TXLNG: variants seen among roughly 807,000 people sequenced by gnomAD.
TXLNG encodes gamma-taxilin.
A neutral mutation model predicts 38.8 loss-of-function variants in TXLNG; 5 were observed. The observed-to-expected ratio is 0.13, with a 90% CI of 0.07 to 0.27. TXLNG has a LOEUF of 0.27. Among genes scored for constraint, TXLNG ranks in the 10% least tolerant of loss-of-function variants. The pLI, the probability that TXLNG is intolerant of heterozygous loss-of-function variation, is 1.00. For missense variants in TXLNG, 393 were observed against 398.2 expected (o/e 0.99, Z 0.11); for synonymous variants, 182 against 158.2 (o/e 1.15, Z -1.13).
chrX:16,815,522 A>G (rs1363529145), intron 1 of TXLNG, among the ~76,000 whole-genome samples: 1 of 103,259 alleles, frequency 9.7e-6, no homozygotes, highest in Non-Finnish European at 2.0e-5. Context: ...TAGATTTGAA[A>G]CTATTATTAT....
chrX:16,836,946 A>C (rs1353246500), intron 7 of TXLNG, among the ~76,000 whole-genome samples: 1 of 111,096 alleles, frequency 9.0e-6, no homozygotes, highest in Non-Finnish European at 1.9e-5. Context: ...AAGTATCCTG[A>C]GCCTCAGTGT....
chrX:16,815,225 G>C (rs747710060), intron 1 of TXLNG, among the ~76,000 whole-genome samples: 1 of 111,847 alleles, frequency 8.9e-6, no homozygotes, highest in African/African-American at 3.2e-5. Flanking sequence ...GCCCAGGCTG[G>C]AGTGCAATGG....
chrX:16,811,405 A>G (rs1928509600), intron 1 of TXLNG, among the ~76,000 whole-genome samples: 1 of 110,311 alleles, frequency 9.1e-6, no homozygotes, highest in Non-Finnish European at 1.9e-5. Flanking sequence ...CGCCCAGGCT[A>G]GAGTGTAATG....
chrX:16,833,963 C>T (rs1171108877), intron 6 of TXLNG, among the ~76,000 whole-genome samples: 2 of 112,164 alleles, frequency 1.8e-5, no homozygotes, highest in Admixed American at 9.5e-5. Flanking sequence ...GATTATCAGC[C>T]GTGTTCTCTG....
intron 1 of TXLNG, among the ~76,000 whole-genome samples, chrX:16,787,301 A>G (rs1392027895): frequency 1.8e-5 from 2 of 111,053 alleles, no homozygotes; most frequent in Non-Finnish European, 3.8e-5. Context: ...ATGCTGGAGG[A>G]CCTCGGTCCT....
At chrX:16,804,917 A>C in intron 1 of TXLNG, among the ~76,000 whole-genome samples, 1 of 81,876 alleles carries the variant, frequency 1.2e-5, no homozygotes, top group Admixed American at 1.6e-4. Flanking sequence ...CACCCCAGGA[A>C]TTTCAAAGAT....
rs1424426191 is a variant in TXLNG at position 16,842,966 on chromosome X, A to G, written c.*1200A>G. ...AAGGTCTCTACACTTGGACTGGGGGAAAATTTGAAATTAAGCACATAACTT... is the reference window on the plus strand; with the variant it reads ...AAGGTCTCTACACTTGGACTGGGGGGAAATTTGAAATTAAGCACATAACTT... On this transcript the variant is annotated 3_prime_UTR_variant, in exon 10 of 10. Transcript: ENST00000380122. 1 of 112,321 alleles carries G rather than the reference A, an allele frequency of 8.9e-6. No individual in the cohort carries two copies. The highest frequency in any genetic ancestry group is 1.9e-5 in the Non-Finnish European group (1 of 53,262). 9.3% of individuals were successfully genotyped at this position (112,321 alleles called of 1,213,427 possible).
At chrX:16,804,896 C>T (rs1026695544) in intron 1 of TXLNG, among the ~76,000 whole-genome samples, 3 of 100,843 alleles carry the variant, frequency 3.0e-5, no homozygotes, top group East Asian at 3.4e-4. Context: ...CCTCACTGTC[C>T]GTTGTCCCTC....
At chrX:16,836,037 C>T (rs923392046) in intron 7 of TXLNG, among the ~76,000 whole-genome samples, 6 of 112,360 alleles carry the variant, frequency 5.3e-5, no homozygotes, top group Non-Finnish European at 1.1e-4. Flanking sequence ...GCGGGCGGAT[C>T]GCTTGAGCTT....
intron 5 of TXLNG, 129 bp downstream of exon 5, chrX:16,829,899 A>G (rs868741886): frequency 3.0e-5 from 18 of 595,986 alleles, no homozygotes; most frequent in Middle Eastern, 7.2e-4. Context: ...TCGGTTATTT[A>G]TTAGGAAACG....
chrX:16,813,324 A>G (rs1364277530), intron 1 of TXLNG, among the ~76,000 whole-genome samples: 1 of 110,762 alleles, frequency 9.0e-6, no homozygotes, highest in African/African-American at 3.3e-5. Flanking sequence ...TGGAACCCCC[A>G]TACACTTCTA....
intron 2 of TXLNG, among the ~76,000 whole-genome samples, chrX:16,819,793 A>G (rs1204214132): frequency 1.8e-5 from 2 of 112,435 alleles, no homozygotes; most frequent in Non-Finnish European, 3.7e-5. Flanking sequence ...ACTTGCTTCT[A>G]TATTCGAACT....
intron 1 of TXLNG, among the ~76,000 whole-genome samples, chrX:16,803,557 G>A (rs1453904626): frequency 1.9e-5 from 2 of 102,665 alleles, no homozygotes; most frequent in East Asian, 3.3e-4. Context: ...GGGTTTCACC[G>A]TGGTCTTGAT....
chrX:16,786,916 G>A (rs995658380), intron 1 of TXLNG, among the ~76,000 whole-genome samples: 8 of 112,014 alleles, frequency 7.1e-5, no homozygotes. Context: ...CAGCACCGCG[G>A]GGATCCGGGC....
At chrX:16,838,804 TG>T (rs1304654038) in intron 8 of TXLNG, among the ~76,000 whole-genome samples, 1 of 112,045 alleles carries the variant, frequency 8.9e-6, no homozygotes, top group Non-Finnish European at 1.9e-5. Flanking sequence ...TCCCGCCTCC[TG>T]GATCTGCCAT....
In TXLNG at chrX:16,818,740, C is replaced by T; in HGVS notation, c.269C>T (p.Thr90Ile). 1 of 1,211,944 alleles carries T rather than the reference C, an allele frequency of 8.3e-7. No individual in the cohort carries two copies. Among genetic ancestry groups the T allele is most frequent in the Non-Finnish European group, 1.1e-6 (1 of 895,607 alleles). The change falls in exon 2 of 10, where the codon ACA becomes ATA. Residue 90 changes from threonine (T) to isoleucine (I), a missense_variant. By Grantham distance (89) the Thr-to-Ile change is moderately conservative (BLOSUM62 -1). Transcript: ENST00000380122. ...GAGGATGAAGGCAGTGACTTTATAA[C>T]AGAGAACAGGAATTTGGTGAGCCCA... ...LEEDEGSDFI[T>I]ENRNLVSPAY...
chrX:16,792,231 A>G (rs759217602), intron 1 of TXLNG, among the ~76,000 whole-genome samples: 1 of 112,091 alleles, frequency 8.9e-6, no homozygotes, highest in South Asian at 3.7e-4. Context: ...TTAGTCAGAA[A>G]CAAACTTGCT....
intron 1 of TXLNG, among the ~76,000 whole-genome samples, chrX:16,793,305 G>A (rs1009094155): frequency 9.0e-6 from 1 of 110,810 alleles, no homozygotes; most frequent in African/African-American, 3.3e-5. Flanking sequence ...TTACTTGAAG[G>A]AAAAGATACA....
At chrX:16,838,679 C>T (rs1448663182) in intron 8 of TXLNG, among the ~76,000 whole-genome samples, 4 of 112,043 alleles carry the variant, frequency 3.6e-5, no homozygotes, top group South Asian at 7.4e-4. Flanking sequence ...GCAGCAGATT[C>T]GTTCTGCCTG....
Sources: gnomAD v4.1 joint callset for allele counts (sites outside exome capture counted in the v4.1 genomes callset) on GRCh38, gnomAD v4.1.1 for gene constraint, MANE v1.5 for transcripts, NCBI Gene and HGNC (gene_info 2026-07-23, HGNC 2026-07-21) for gene names.